SIGLEC5: variants seen among roughly 807,000 people sequenced by gnomAD.
The protein encoded by SIGLEC5 is sialic acid-binding Ig-like lectin 5.
Under a neutral mutation model 45.9 loss-of-function variants are expected in SIGLEC5, and 34 were observed. The observed-to-expected ratio is 0.74, with a 90% CI of 0.56 to 0.99. The LOEUF (loss-of-function observed/expected upper bound fraction) is 0.99. Ranked by LOEUF, SIGLEC5 falls within the 50% of genes least tolerant of loss-of-function variation. The pLI is 0.00. For synonymous variants in SIGLEC5, 203 were observed against 258.6 expected (o/e 0.79, Z 2.06); for missense variants, 508 against 629.6 (o/e 0.81, Z 2.07).
At chr19:51,624,942 T>C (rs2122631566) in intron 8 of SIGLEC5, among the ~76,000 whole-genome samples, 1 of 149,500 alleles carries the variant, frequency 6.7e-6, no homozygotes, top group African/African-American at 2.5e-5. Context: ...CCAGCCTGGG[T>C]GACAGAGCAG....
chr19:51,619,054 T>A (rs1360763405), intron 8 of SIGLEC5, among the ~76,000 whole-genome samples: 1 of 152,160 alleles, frequency 6.6e-6, no homozygotes, highest in Non-Finnish European at 1.5e-5. Context: ...AGATTTGGAT[T>A]TGAACATTAC....
rs377607683 is a variant in SIGLEC5, at chr19:51,625,686, C to T, written c.1464+346G>A. 2.5e-4 allele frequency among the ~76,000 whole-genome samples: 38 copies of T among 152,088 alleles called. 1 individual carries two copies. In the South Asian group the frequency reaches 5.8e-3, roughly 23 times the overall value. ...CTCTACTAAAAATACAAAAATTAGC[C>T]GGGCATGGTGGTGTGCGCCTGTAAT... On this transcript the variant is annotated intron_variant, in intron 8 of 8. Transcript: ENST00000683636.
At chr19:51,626,900 G>GTTT (rs1983501986) in intron 7 of SIGLEC5, among the ~76,000 whole-genome samples, 2 of 152,162 alleles carry the variant, frequency 1.3e-5, no homozygotes, top group East Asian at 3.9e-4. Flanking sequence ...TCTGCTTTTT[G>GTTT]TTTTGTTTTG....
At chr19:51,620,060 T>TATATATAA (rs1275716880) in intron 8 of SIGLEC5, among the ~76,000 whole-genome samples, 1 of 150,250 alleles carries the variant, frequency 6.7e-6, no homozygotes, top group Non-Finnish European at 1.5e-5. Flanking sequence ...TTTGTCAAAA[T>TATATATAA]ATATATATAT....
rs969862078 is a variant in SIGLEC5, at chr19:51,628,069, G to C, written c.762C>G (p.Thr254=). ...GGCCCTCCAGGACCGGAAGGTATGA[G>C]GTGTTTTGCAGGATCTCTAGGGCTT... The part of the protein sequence containing the change: ...NGIALEILQN[T]SYLPVLEGQA... The change falls in exon 5 of 9, where the codon ACC becomes ACG. Residue 254 remains threonine (T), a synonymous_variant. Transcript: ENST00000683636. 1 of 1,555,320 alleles carries C rather than the reference G, an allele frequency of 6.4e-7. No individual in the cohort carries two copies. The highest frequency in any genetic ancestry group is 1.4e-5 in the African/African-American group (1 of 72,766).
chr19:51,612,875 TTCTCTCTC>T, intron 8 of SIGLEC5, among the ~76,000 whole-genome samples: 1 of 151,108 alleles, frequency 6.6e-6, no homozygotes, highest in East Asian at 1.9e-4. Context: ...TCATGGGTTC[TTCTCTCTC>T]TCTCTCTCTC....
intron 4 of SIGLEC5, among the ~76,000 whole-genome samples, chr19:51,628,770 GTGTGTGTGGTGTATTGCATGTGTA>G (rs1983607118): frequency 1.1e-5 from 1 of 93,184 alleles, no homozygotes; most frequent in South Asian, 3.1e-4. Context: ...GTATGTGCGT[GTGTGTGTGGTGTATTGCATGTGTA>G]TGTGTGTGGT....
intron 8 of SIGLEC5, among the ~76,000 whole-genome samples, chr19:51,622,298 A>ATT (rs1364355900): frequency 2.4e-4 from 35 of 142,984 alleles, no homozygotes; most frequent in South Asian, 4.4e-4. Context: ...CGCCTGGCTA[A>ATT]TTTTTTTTTT....
At chr19:51,626,981 T>G (rs1983504485) in intron 7 of SIGLEC5, among the ~76,000 whole-genome samples, 168 bp downstream of exon 7, 1 of 152,144 alleles carries the variant, frequency 6.6e-6, no homozygotes, top group Non-Finnish European at 1.5e-5. Context: ...CCTGGCTCAC[T>G]GCAGCCTCAA....
chr19:51,622,155 G>A (rs530813292), intron 8 of SIGLEC5, among the ~76,000 whole-genome samples: 4 of 151,960 alleles, frequency 2.6e-5, no homozygotes, highest in Admixed American at 6.6e-5. Context: ...GTTTTGAGAC[G>A]GAGTCGTGTT....
At chr19:51,623,020 G>A (rs1983349352) in intron 8 of SIGLEC5, among the ~76,000 whole-genome samples, 1 of 152,034 alleles carries the variant, frequency 6.6e-6, no homozygotes, top group Non-Finnish European at 1.5e-5. Context: ...TTCATCTATT[G>A]ATGGACACTT....
In SIGLEC5 at chr19:51,627,831, C is replaced by G; in HGVS notation, c.997+3G>C. ...TTCCTGCTCCAGCTGCCCCCACACT[C>G]ACAGTAAACTGAGAGATTCAGAAAA... is the stretch of plus-strand genomic sequence containing the variant. On this transcript the variant is annotated splice_donor_region_variant and intron_variant, in intron 5 of 8. Coordinates refer to ENST00000683636, the MANE Select transcript of SIGLEC5 (RefSeq NM_003830.4). 6.3e-7 allele frequency: 1 copy of G among 1,596,670 alleles called. No individual in the cohort carries two copies. Among genetic ancestry groups the G allele is most frequent in the Non-Finnish European group, 8.5e-7 (1 of 1,170,838 alleles).
At chr19:51,616,853 G>T (rs1426302850) in intron 8 of SIGLEC5, among the ~76,000 whole-genome samples, 1 of 138,826 alleles carries the variant, frequency 7.2e-6, no homozygotes, top group African/African-American at 2.8e-5. Context: ...AGAGATTGCA[G>T]TGAGCCGAGA....
chr19:51,616,890 AAC>A (rs1422650598), intron 8 of SIGLEC5, among the ~76,000 whole-genome samples: 4 of 123,954 alleles, frequency 3.2e-5, no homozygotes, highest in African/African-American at 9.2e-5. Flanking sequence ...CAGCCTGGGC[AAC>A]AGAGTGAGAC....
Position 51,612,169 on chromosome 19 carries a change from C to T in SIGLEC5, c.*62G>A. 7.1e-7 allele frequency: 1 copy of T among 1,406,768 alleles called. No homozygotes were observed. Among genetic ancestry groups the T allele is most frequent in the Non-Finnish European group, 9.6e-7 (1 of 1,038,456 alleles). The allele number at this position is 1,406,768 out of a possible 1,614,324, so 87.1% of individuals were successfully genotyped here. ...TCGTGCTTCAGCAAGTGGTCCCTGA[C>T]TTGTCCTTTCCCCCAGACAGGCTGT... On this transcript the variant is annotated 3_prime_UTR_variant, in exon 9 of 9. Coordinates refer to ENST00000683636, the MANE Select transcript of SIGLEC5 (RefSeq NM_003830.4).
intron 7 of SIGLEC5, among the ~76,000 whole-genome samples, chr19:51,626,507 A>C (rs1983487971): frequency 6.6e-6 from 1 of 152,250 alleles, no homozygotes; most frequent in South Asian, 2.1e-4. Context: ...GATGCATGCT[A>C]CAACATAGAT....
intron 8 of SIGLEC5, among the ~76,000 whole-genome samples, chr19:51,615,560 GCTCACTGGT>G (rs1464563945): frequency 4.6e-5 from 7 of 152,220 alleles, no homozygotes; most frequent in Non-Finnish European, 1.0e-4. Flanking sequence ...GGAGGTGGAA[GCTCACTGGT>G]CTTTGACATT....
chr19:51,624,640 G>A (rs1379389363), intron 8 of SIGLEC5, among the ~76,000 whole-genome samples: 1 of 151,936 alleles, frequency 6.6e-6, no homozygotes, highest in Non-Finnish European at 1.5e-5. Context: ...AAACTGCAGG[G>A]GCTAAAGAAG....
chr19:51,626,960 A>C (rs117780119), intron 7 of SIGLEC5, among the ~76,000 whole-genome samples, 189 bp downstream of exon 7: 1 of 152,202 alleles, frequency 6.6e-6, no homozygotes, highest in East Asian at 1.9e-4. Context: ...GATGGAGTGC[A>C]TTGGCACAAT....
Sources: allele counts gnomAD v4.1 joint callset (sites outside exome capture counted in the v4.1 genomes callset), GRCh38; gene constraint gnomAD v4.1.1; transcripts MANE v1.5; gene names NCBI Gene and HGNC (gene_info 2026-07-23, HGNC 2026-07-21).